Variants in EYA3 observed in about 807,000 individuals in gnomAD.
EYA3 encodes the protein protein phosphatase EYA3.
In EYA3, 39 loss-of-function variants were observed where a neutral mutation model predicts 80.0. The ratio of observed to expected loss-of-function variants is 0.49; its 90% CI spans 0.38 to 0.64. The LOEUF (loss-of-function observed/expected upper bound fraction) is 0.64, where lower values mean the gene tolerates loss of function less well. EYA3 is among the 30% of genes least tolerant of loss of function. The pLI is 0.00. For synonymous variants in EYA3, 206 were observed against 232.8 expected (o/e 0.88, Z 1.05); for missense variants, 523 against 676.1 (o/e 0.77, Z 2.51).
chr1:28,085,617 T>C (rs1167818505), intron 1 of EYA3, among the ~76,000 whole-genome samples: 1 of 152,152 alleles, frequency 6.6e-6, no homozygotes, highest in Non-Finnish European at 1.5e-5. Flanking sequence ...ATAAGAAAAC[T>C]TGGTAAGCCT....
intron 4 of EYA3, among the ~76,000 whole-genome samples, chr1:28,040,186 C>T (rs1174695477): frequency 6.6e-6 from 1 of 152,050 alleles, no homozygotes; most frequent in Non-Finnish European, 1.5e-5. Flanking sequence ...ACTAGAATAG[C>T]AACAGTGGGG....
chr1:28,037,903 A>G (rs1281192281), intron 5 of EYA3, among the ~76,000 whole-genome samples: 4 of 152,184 alleles, frequency 2.6e-5, no homozygotes, highest in African/African-American at 9.6e-5. Context: ...ACATAAGCAC[A>G]TATCCTGGCT....
intron 10 of EYA3, among the ~76,000 whole-genome samples, chr1:28,010,297 T>C (rs2148786374): frequency 6.6e-6 from 1 of 152,342 alleles, no homozygotes; most frequent in South Asian, 2.1e-4. Flanking sequence ...GTACTTACAC[T>C]ACAGAATAAA....
intron 7 of EYA3, among the ~76,000 whole-genome samples, chr1:28,027,305 T>C (rs1461217307): frequency 6.6e-6 from 1 of 152,188 alleles, no homozygotes; most frequent in Non-Finnish European, 1.5e-5. Flanking sequence ...CTTTTTATCC[T>C]GAAAGAGAAA....
In EYA3 at chr1:28,047,329, C is replaced by T. The variant is rs566778284; in HGVS notation, c.77+1054G>A. Among the ~76,000 whole-genome samples the T allele has an allele frequency of 6.6e-5, 10 of 152,150 alleles. No homozygotes were observed. In the East Asian group the frequency reaches 1.2e-3, roughly 18 times the overall value. ...TGTGTTTTTAGTAGAAACAAGGTTC[C>T]GCCATGTTGGTCTCTTATAAGGAAG... On this transcript the variant is annotated intron_variant, in intron 3 of 17. Transcript: ENST00000373871.
intron 1 of EYA3, among the ~76,000 whole-genome samples, chr1:28,079,458 G>C (rs1645343510): frequency 6.6e-6 from 1 of 152,148 alleles, no homozygotes; most frequent in African/African-American, 2.4e-5. Context: ...GCAGAATAAA[G>C]CAGCTTTGTA....
At chr1:28,025,225 C>G (rs1279268716) in intron 7 of EYA3, among the ~76,000 whole-genome samples, 4 of 152,040 alleles carry the variant, frequency 2.6e-5, no homozygotes, top group Non-Finnish European at 4.4e-5. Flanking sequence ...GAATAAATGG[C>G]AAAAATTGAT....
At chr1:28,075,224 G>A (rs1247991330) in intron 1 of EYA3, among the ~76,000 whole-genome samples, 1 of 152,160 alleles carries the variant, frequency 6.6e-6, no homozygotes, top group African/African-American at 2.4e-5. Context: ...TAGCCTTCTA[G>A]ATTCCCAGAA....
At chr1:28,053,291 G>T (rs1249605276) in intron 2 of EYA3, among the ~76,000 whole-genome samples, 1 of 151,960 alleles carries the variant, frequency 6.6e-6, no homozygotes, top group Non-Finnish European at 1.5e-5. Flanking sequence ...GTGAATTGTA[G>T]GATATGTAAA....
intron 13 of EYA3, among the ~76,000 whole-genome samples, chr1:27,994,948 G>A (rs1457902334): frequency 1.3e-5 from 2 of 150,298 alleles, no homozygotes; most frequent in Non-Finnish European, 3.0e-5. Flanking sequence ...GGGCAACAGA[G>A]CAGGCCCCGT....
intron 1 of EYA3, among the ~76,000 whole-genome samples, chr1:28,059,711 T>C (rs943446210): frequency 6.8e-6 from 1 of 148,100 alleles, no homozygotes; most frequent in Non-Finnish European, 1.5e-5. Context: ...ACCTCATTTG[T>C]TGGATTTTTT....
At chr1:28,063,121 G>GAT (rs1166330566) in intron 1 of EYA3, among the ~76,000 whole-genome samples, 1 of 151,624 alleles carries the variant, frequency 6.6e-6, no homozygotes, top group Non-Finnish European at 1.5e-5. Context: ...GGCAAAGTCT[G>GAT]ATTTATAGGT....
chr1:28,042,965 C>T (rs1344561772), intron 3 of EYA3, among the ~76,000 whole-genome samples: 1 of 152,102 alleles, frequency 6.6e-6, no homozygotes, highest in Non-Finnish European at 1.5e-5. Context: ...CTGCCTCAGC[C>T]TCCTGAGTAG....
intron 17 of EYA3, chr1:27,976,970 A>G (rs2148698357): frequency 1.0e-6 from 1 of 966,952 alleles, no homozygotes. Context: ...TGCCTGCCTC[A>G]GCCTCCCCAA....
intron 1 of EYA3, among the ~76,000 whole-genome samples, chr1:28,075,564 G>C (rs1019057729): frequency 6.6e-6 from 1 of 152,158 alleles, no homozygotes; most frequent in African/African-American, 2.4e-5. Flanking sequence ...CCAGTGGCTG[G>C]TTTTCACCAT....
chr1:27,993,186 T>C (rs1425066317), intron 14 of EYA3, among the ~76,000 whole-genome samples: 3 of 152,206 alleles, frequency 2.0e-5, no homozygotes, highest in Admixed American at 6.5e-5. Context: ...ACAAGAGAAC[T>C]TTCCAAAATT....
chr1:28,013,787 G>A lies in EYA3; in HGVS notation c.586-493C>T, dbSNP rs1047476821. On this transcript the variant is annotated intron_variant, in intron 8 of 17. Transcript: ENST00000373871. This position sits in a 1 kb window ranked among gnomAD's most constrained non-coding sequence, Gnocchi z 4.0. ...AATTTAAAAACTGATTATCAGCTGG[G>A]TGCAGTGGCTCATGCCTGTAATCTC... 2.0e-5 allele frequency among the ~76,000 whole-genome samples: 3 copies of A among 152,210 alleles called. No homozygotes were observed. The highest frequency in any genetic ancestry group is 2.9e-5 in the Non-Finnish European group (2 of 68,044).
At chr1:28,055,462 CTTT>C (rs531586344) in intron 2 of EYA3, among the ~76,000 whole-genome samples, 3,881 of 106,804 alleles carry the variant, frequency 0.036, 72 homozygotes, top group African/African-American at 0.13. Context: ...TAAAGAAAAT[CTTT>C]TTTTTTTTTT....
intron 1 of EYA3, among the ~76,000 whole-genome samples, chr1:28,079,079 T>C (rs1262722508): frequency 6.6e-6 from 1 of 152,224 alleles, no homozygotes; most frequent in Non-Finnish European, 1.5e-5. Flanking sequence ...CTCATTTTTT[T>C]TCCCCAGGCC....
Sources: allele counts gnomAD v4.1 joint callset (sites outside exome capture counted in the v4.1 genomes callset), GRCh38; gene constraint gnomAD v4.1.1; non-coding constraint Gnocchi (gnomAD v3.1); transcripts MANE v1.5; gene names NCBI Gene and HGNC (gene_info 2026-07-23, HGNC 2026-07-21).